The following HCRTR2 variants were observed in gnomAD, a reference collection of about 807,000 sequenced individuals.
HCRTR2 encodes the protein hypocretin receptor 2.
In HCRTR2, 22 loss-of-function variants were observed where a neutral mutation model predicts 49.0. The ratio of observed to expected loss-of-function variants is 0.45; its 90% CI spans 0.32 to 0.64. The LOEUF is 0.64. Ranked by LOEUF, HCRTR2 falls within the 30% of genes least tolerant of loss-of-function variation. The pLI, the probability that HCRTR2 is intolerant of heterozygous loss-of-function variation, is 0.04. For missense variants in HCRTR2, 491 were observed against 559.4 expected, an observed-to-expected ratio of 0.88 and a Z score of 1.23; for synonymous variants, 236 against 205.3, an observed-to-expected ratio of 1.15 and a Z score of -1.28.
chr6:55,274,618 A>G (rs1460518345), intron 4 of HCRTR2, among the ~76,000 whole-genome samples: 2 of 151,942 alleles, frequency 1.3e-5, no homozygotes, highest in African/African-American at 4.8e-5. Context: ...AGTCCAGTAC[A>G]ATGTTGAGTA....
intron 1 of HCRTR2, among the ~76,000 whole-genome samples, chr6:55,129,195 T>C (rs1764321171): frequency 6.6e-6 from 1 of 152,152 alleles, no homozygotes; most frequent in Non-Finnish European, 1.5e-5. Context: ...GACTCATAAA[T>C]ATTTCTCTCC....
At chr6:55,266,682 C>T (rs1554183224) in intron 4 of HCRTR2, among the ~76,000 whole-genome samples, 1 of 152,000 alleles carries the variant, frequency 6.6e-6, no homozygotes, top group South Asian at 2.1e-4. Context: ...ACCTTTAAAA[C>T]TCTTTCAAGG....
chr6:55,181,813 T>G (rs1765138879), intron 1 of HCRTR2, among the ~76,000 whole-genome samples: 1 of 152,238 alleles, frequency 6.6e-6, no homozygotes, highest in African/African-American at 2.4e-5. Context: ...CTATCCTGTC[T>G]TTGATATGTG....
intron 1 of HCRTR2, among the ~76,000 whole-genome samples, chr6:55,228,510 T>G (rs1166388075): frequency 6.6e-6 from 1 of 152,192 alleles, no homozygotes; most frequent in Non-Finnish European, 1.5e-5. Context: ...TATTATTCAC[T>G]ACATTCATTC....
At chr6:55,149,968 G>C (rs1764642175) in intron 1 of HCRTR2, among the ~76,000 whole-genome samples, 4 of 151,796 alleles carry the variant, frequency 2.6e-5, no homozygotes. Flanking sequence ...ACAAAAAATA[G>C]ATATTGCAAT....
At chr6:55,171,204 C>T (rs188211757), upstream of HCRTR2, among the ~76,000 whole-genome samples, 25 of 152,206 alleles carry the variant, frequency 1.6e-4, no homozygotes, top group South Asian at 4.1e-4. Flanking sequence ...ACCAACAGTG[C>T]AAAAGTGTTC....
intron 2 of HCRTR2, among the ~76,000 whole-genome samples, chr6:55,252,864 TATC>T (rs1302867564): frequency 6.6e-6 from 1 of 152,044 alleles, no homozygotes. Context: ...AAACTAATAG[TATC>T]ATCATCATTA....
chr6:55,207,738 G>A (rs1478277639), intron 1 of HCRTR2, among the ~76,000 whole-genome samples: 2 of 152,102 alleles, frequency 1.3e-5, no homozygotes, highest in African/African-American at 4.8e-5. Flanking sequence ...TTTCTGTCTT[G>A]GGTGGAAGGT....
intron 1 of HCRTR2, among the ~76,000 whole-genome samples, chr6:55,163,974 G>A (rs1291945785): frequency 6.6e-6 from 1 of 152,142 alleles, no homozygotes; most frequent in African/African-American, 2.4e-5. Context: ...GATGTGAACA[G>A]ACACCTCTCA....
At chr6:55,274,208 A>G (rs1309813539) in intron 4 of HCRTR2, among the ~76,000 whole-genome samples, 1 of 142,188 alleles carries the variant, frequency 7.0e-6, no homozygotes, top group Non-Finnish European at 1.5e-5. Context: ...GGAGTTCTTT[A>G]TTATCTCTCT....
At chr6:55,219,741 T>C (rs1765854728) in intron 1 of HCRTR2, among the ~76,000 whole-genome samples, 2 of 151,754 alleles carry the variant, frequency 1.3e-5, no homozygotes, top group Admixed American at 1.3e-4. Context: ...AGAAAATTAC[T>C]ATAATAATTA....
At chr6:55,223,955 T>G (rs562820600) in intron 1 of HCRTR2, among the ~76,000 whole-genome samples, 1 of 152,336 alleles carries the variant, frequency 6.6e-6, no homozygotes, top group South Asian at 2.1e-4. Context: ...ATGAAATAGT[T>G]GGATAAATGT....
At chr6:55,202,992 T>C (rs2127285726) in intron 1 of HCRTR2, among the ~76,000 whole-genome samples, 1 of 152,276 alleles carries the variant, frequency 6.6e-6, no homozygotes, top group African/African-American at 2.4e-5. Flanking sequence ...ATACTTCCAT[T>C]ACCTTAAAAA....
At chr6:55,131,867 C>G (rs1418386645) in intron 1 of HCRTR2, among the ~76,000 whole-genome samples, 1 of 151,760 alleles carries the variant, frequency 6.6e-6, no homozygotes, top group African/African-American at 2.4e-5. Context: ...TAAGAAACTC[C>G]TGTTTCCAAG....
intron 1 of HCRTR2, among the ~76,000 whole-genome samples, chr6:55,239,457 G>A (rs544145498): frequency 6.6e-6 from 1 of 152,292 alleles, no homozygotes; most frequent in South Asian, 2.1e-4. Context: ...ATAATCACAG[G>A]ATTCAGTGGT....
chr6:55,178,765 C>G (rs1302724479), intron 1 of HCRTR2, among the ~76,000 whole-genome samples: 2 of 152,242 alleles, frequency 1.3e-5, no homozygotes, highest in Non-Finnish European at 2.9e-5. Context: ...CCATCTCCTT[C>G]ATACTGATTG....
chr6:55,125,450 T>C (rs1480365493), intron 1 of HCRTR2, among the ~76,000 whole-genome samples: 1 of 152,238 alleles, frequency 6.6e-6, no homozygotes, highest in Non-Finnish European at 1.5e-5. Flanking sequence ...CTCCACTGTC[T>C]TCTGGCTTGT....
intron 2 of HCRTR2, 130 bp from the exon 3 acceptor site, chr6:55,255,006 G>T (rs903651045): frequency 1.1e-6 from 1 of 897,826 alleles, no homozygotes; most frequent in East Asian, 2.6e-5. Flanking sequence ...CACTTGCATG[G>T]ATTGTTTATT....
At chr6:55,228,164 C>T (rs62416783) in intron 1 of HCRTR2, among the ~76,000 whole-genome samples, 27,552 of 151,738 alleles carry the variant, frequency 0.18, 2,876 homozygotes, top group Non-Finnish European at 0.24. Flanking sequence ...AAGCATCATA[C>T]GAATAATGAT....
Sources: gnomAD v4.1 joint callset for allele counts (sites outside exome capture counted in the v4.1 genomes callset) on GRCh38, gnomAD v4.1.1 for gene constraint, MANE v1.5 for transcripts, NCBI Gene and HGNC (gene_info 2026-07-23, HGNC 2026-07-21) for gene names.